COL21A1: variants seen among roughly 807,000 people sequenced by gnomAD.
The protein encoded by COL21A1 is collagen type XXI alpha 1 chain.
Under a neutral mutation model 137.9 loss-of-function variants are expected in COL21A1, and 149 were observed. The ratio of observed to expected loss-of-function variants is 1.08; its 90% CI spans 0.95 to 1.24. The LOEUF (loss-of-function observed/expected upper bound fraction) is 1.24. Among genes scored for constraint, COL21A1 ranks in the 50% most tolerant of loss-of-function variants. The pLI is 0.00. For missense variants in COL21A1, 1,167 were observed against 1,158.4 expected (o/e 1.01, Z -0.11); for synonymous variants, 456 against 391.5 (o/e 1.16, Z -1.95).
At chr6:56,165,034 AT>A (rs10708181) in intron 7 of COL21A1, among the ~76,000 whole-genome samples, 97,005 of 151,826 alleles carry the variant, frequency 0.64, 31,329 homozygotes, top group East Asian at 0.86. Flanking sequence ...GAAAGGATAT[AT>A]TTTTTTAAGG....
At chr6:56,094,145 G>C (rs1201899016) in intron 17 of COL21A1, among the ~76,000 whole-genome samples, 1 of 151,696 alleles carries the variant, frequency 6.6e-6, no homozygotes, top group East Asian at 1.9e-4. Context: ...ACTATAAGCA[G>C]TAAGAAAAAA....
chr6:56,329,170 G>A (rs1293332225), intron 1 of COL21A1, among the ~76,000 whole-genome samples: 2 of 152,114 alleles, frequency 1.3e-5, no homozygotes, highest in Non-Finnish European at 2.9e-5. Context: ...ATTACAGCTA[G>A]TATCACTATC....
intron 3 of COL21A1, among the ~76,000 whole-genome samples, chr6:56,172,179 C>T (rs1245418089): frequency 1.3e-5 from 2 of 151,888 alleles, no homozygotes; most frequent in Non-Finnish European, 2.9e-5. Context: ...TTCAAGAAGC[C>T]TAATATATGC....
At chr6:56,249,864 A>C (rs992244039), upstream of COL21A1, among the ~76,000 whole-genome samples, 5 of 152,242 alleles carry the variant, frequency 3.3e-5, no homozygotes, top group Non-Finnish European at 7.3e-5. Context: ...TCAATTTTAC[A>C]GTATGTGAAT....
chr6:56,147,999 T>C (rs1048399049), intron 10 of COL21A1, among the ~76,000 whole-genome samples: 6 of 152,004 alleles, frequency 3.9e-5, no homozygotes, highest in African/African-American at 1.4e-4. Flanking sequence ...GTCTTCTGAG[T>C]TTTAAATGCT....
At chr6:56,149,028 CT>C (rs1176483464) in intron 10 of COL21A1, among the ~76,000 whole-genome samples, 1 of 152,186 alleles carries the variant, frequency 6.6e-6, no homozygotes, top group African/African-American at 2.4e-5. Context: ...TTGCATCAGC[CT>C]TTTAGGCAGC....
At chr6:56,232,985 G>A (rs893372575) in intron 1 of COL21A1, among the ~76,000 whole-genome samples, 2 of 151,758 alleles carry the variant, frequency 1.3e-5, no homozygotes, top group Non-Finnish European at 2.9e-5. Flanking sequence ...CTCAGAGCAG[G>A]GGGAAGAAAA....
At chr6:56,386,573 G>C (rs564304742) in intron 1 of COL21A1, among the ~76,000 whole-genome samples, 1 of 149,356 alleles carries the variant, frequency 6.7e-6, no homozygotes, top group Non-Finnish European at 1.5e-5. Context: ...CAATTTCTTC[G>C]CATTCTTGAT....
chr6:56,208,874 A>C (rs901225480), intron 1 of COL21A1, among the ~76,000 whole-genome samples: 37 of 152,190 alleles, frequency 2.4e-4, no homozygotes, highest in African/African-American at 8.4e-4. Context: ...AACACCACAC[A>C]TCTACAACCA....
At chr6:56,255,426 G>A (rs1045341107) in intron 1 of COL21A1, among the ~76,000 whole-genome samples, 2 of 151,766 alleles carry the variant, frequency 1.3e-5, no homozygotes, top group South Asian at 2.1e-4. Flanking sequence ...GCGCTGTGAA[G>A]GGAGTCTTTT....
intron 1 of COL21A1, among the ~76,000 whole-genome samples, chr6:56,204,498 A>C (rs1205159758): frequency 6.6e-6 from 1 of 152,124 alleles, no homozygotes; most frequent in African/African-American, 2.4e-5. Flanking sequence ...TGATAAGATA[A>C]AACTCCCATC....
intron 12 of COL21A1, among the ~76,000 whole-genome samples, chr6:56,139,062 C>T (rs1006245988): frequency 3.3e-5 from 5 of 151,942 alleles, no homozygotes; most frequent in East Asian, 1.9e-4. Flanking sequence ...GGTACATATA[C>T]GGGTAGGAGG....
At chr6:56,118,948 A>C (rs1461024650) in intron 16 of COL21A1, among the ~76,000 whole-genome samples, 1 of 152,156 alleles carries the variant, frequency 6.6e-6, no homozygotes, top group East Asian at 1.9e-4. Context: ...AAGGCCATCT[A>C]TGACAAACCC....
chr6:56,301,173 G>A (rs185234995), intron 1 of COL21A1, among the ~76,000 whole-genome samples: 1 of 152,266 alleles, frequency 6.6e-6, no homozygotes, highest in East Asian at 1.9e-4. Flanking sequence ...TGGCAAAAGA[G>A]ACTCTAAAGA....
intron 7 of COL21A1, among the ~76,000 whole-genome samples, chr6:56,165,891 G>C (rs1226664452): frequency 6.9e-6 from 1 of 144,534 alleles, no homozygotes. Flanking sequence ...TTTTGCCCAG[G>C]GGAAAGGGGA....
chr6:56,306,659 C>T (rs578255176), intron 1 of COL21A1, among the ~76,000 whole-genome samples: 17 of 152,108 alleles, frequency 1.1e-4, no homozygotes, highest in African/African-American at 4.1e-4. Context: ...TTTTTAACTT[C>T]TTTGCCATGG....
At chr6:56,251,243 A>G (rs1193680426), upstream of COL21A1, among the ~76,000 whole-genome samples, 2 of 152,250 alleles carry the variant, frequency 1.3e-5, no homozygotes, top group Non-Finnish European at 2.9e-5. Flanking sequence ...CTTCAAAAGA[A>G]TAAGCCTAAA....
chr6:56,068,350 A>G (rs1280788713), intron 22 of COL21A1, among the ~76,000 whole-genome samples: 2 of 151,610 alleles, frequency 1.3e-5, no homozygotes, highest in South Asian at 2.1e-4. Context: ...TTTTAACCTG[A>G]AACATTTGTA....
At chr6:56,386,734 A>G (rs2094019032) in intron 1 of COL21A1, among the ~76,000 whole-genome samples, 1 of 152,092 alleles carries the variant, frequency 6.6e-6, no homozygotes, top group Admixed American at 6.5e-5. Context: ...ACTGAATTTG[A>G]AGGTTGTATG....
Sources: allele counts gnomAD v4.1 joint callset (sites outside exome capture counted in the v4.1 genomes callset), GRCh38; gene constraint gnomAD v4.1.1; transcripts MANE v1.5; gene names NCBI Gene and HGNC (gene_info 2026-07-23, HGNC 2026-07-21).